The following HORMAD2 variants were observed in gnomAD, a reference collection of about 807,000 sequenced individuals.
The protein encoded by HORMAD2 is HORMA domain containing 2.
In HORMAD2, 45 loss-of-function variants were observed where a neutral mutation model predicts 38.8. The observed-to-expected ratio is 1.16, with a 90% CI of 0.91 to 1.49. HORMAD2 has a LOEUF of 1.49. Among genes scored for constraint, HORMAD2 ranks in the 40% most tolerant of loss-of-function variants. HORMAD2 has a pLI of 0.00. For missense variants in HORMAD2, 338 were observed against 367.0 expected, an observed-to-expected ratio of 0.92 and a Z score of 0.65; for synonymous variants, 126 against 122.8, an observed-to-expected ratio of 1.03 and a Z score of -0.17.
chr22:30,191,067 G>C, the HORMAD2 span, among the ~76,000 whole-genome samples: 1 of 152,148 alleles, frequency 6.6e-6, no homozygotes, highest in South Asian at 2.1e-4. Flanking sequence ...CAGCTTTCAG[G>C]ACTGACATTA....
downstream of HORMAD2, among the ~76,000 whole-genome samples, chr22:30,181,347 C>G (rs1385834339): frequency 6.6e-6 from 1 of 152,014 alleles, no homozygotes; most frequent in East Asian, 1.9e-4. Context: ...CTACCCAGAG[C>G]TCCTACATCA....
At chr22:30,145,184 G>T (rs979175079) in intron 10 of HORMAD2, among the ~76,000 whole-genome samples, 10 of 152,182 alleles carry the variant, frequency 6.6e-5, no homozygotes, top group African/African-American at 2.4e-4. Flanking sequence ...GGTCTGTGGA[G>T]CTCCTCACAC....
At chr22:30,131,336 A>G (rs1923270397) in intron 10 of HORMAD2, among the ~76,000 whole-genome samples, 1 of 152,176 alleles carries the variant, frequency 6.6e-6, no homozygotes, top group African/African-American at 2.4e-5. Context: ...TTCTTTGAGA[A>G]TTAATATTTT....
intron 10 of HORMAD2, among the ~76,000 whole-genome samples, chr22:30,148,713 A>G (rs1924569547): frequency 6.6e-6 from 1 of 152,172 alleles, no homozygotes; most frequent in Non-Finnish European, 1.5e-5. Flanking sequence ...TTAAAAACAT[A>G]TTAGACAGGC....
At chr22:30,078,001 C>A (rs943675608), upstream of HORMAD2, among the ~76,000 whole-genome samples, 2 of 152,150 alleles carry the variant, frequency 1.3e-5, no homozygotes, top group Non-Finnish European at 2.9e-5. Flanking sequence ...GTTAAGCCAG[C>A]GGTAAAGATG....
At chr22:30,189,031 C>G in the HORMAD2 span, among the ~76,000 whole-genome samples, 2 of 151,154 alleles carry the variant, frequency 1.3e-5, no homozygotes, top group African/African-American at 4.9e-5. Flanking sequence ...GTGGGAGGAT[C>G]ACTTGAGTCC....
At chr22:30,090,063 T>G (rs2068654520) in intron 1 of HORMAD2, among the ~76,000 whole-genome samples, 2 of 152,342 alleles carry the variant, frequency 1.3e-5, no homozygotes, top group Admixed American at 6.5e-5. Flanking sequence ...ACTTCATTCC[T>G]TTTTAAGATT....
At chr22:30,116,097 AT>A (rs1358155044) in intron 7 of HORMAD2, among the ~76,000 whole-genome samples, 1 of 152,154 alleles carries the variant, frequency 6.6e-6, no homozygotes, top group Non-Finnish European at 1.5e-5. Flanking sequence ...GAATATTATT[AT>A]TATCATTAAC....
intron 10 of HORMAD2, among the ~76,000 whole-genome samples, chr22:30,173,587 A>G (rs949443716): frequency 6.6e-6 from 1 of 152,210 alleles, no homozygotes; most frequent in Non-Finnish European, 1.5e-5. Context: ...ATGAATTCCA[A>G]TTTGGGCAGA....
chr22:30,152,137 T>C (rs1454032670), intron 10 of HORMAD2, among the ~76,000 whole-genome samples: 1 of 152,122 alleles, frequency 6.6e-6, no homozygotes, highest in Non-Finnish European at 1.5e-5. Flanking sequence ...AAATAAACAA[T>C]GACTTCCTAA....
chr22:30,134,629 A>T (rs1923531179), intron 10 of HORMAD2, among the ~76,000 whole-genome samples: 1 of 151,580 alleles, frequency 6.6e-6, no homozygotes, highest in African/African-American at 2.4e-5. Flanking sequence ...TACTCCTCTT[A>T]TGATGCTTAG....
At chr22:30,196,071 G>T in the HORMAD2 span, among the ~76,000 whole-genome samples, 1 of 152,194 alleles carries the variant, frequency 6.6e-6, no homozygotes, top group South Asian at 2.1e-4. Context: ...TTGTTCACTC[G>T]CATGGCATTG....
At chr22:30,122,359 T>C in intron 10 of HORMAD2, 145 bp downstream of exon 10, 1 of 642,940 alleles carries the variant, frequency 1.6e-6, no homozygotes, top group Non-Finnish European at 2.4e-6. Flanking sequence ...GTTTTTAATC[T>C]AAAAAAGTTT....
At chr22:30,094,231 G>A (rs1456956028) in intron 2 of HORMAD2, among the ~76,000 whole-genome samples, 2 of 152,142 alleles carry the variant, frequency 1.3e-5, no homozygotes, top group Non-Finnish European at 2.9e-5. Context: ...TCATGTTTAT[G>A]TAATATATTT....
At chr22:30,191,829 A>G in the HORMAD2 span, among the ~76,000 whole-genome samples, 1 of 152,210 alleles carries the variant, frequency 6.6e-6, no homozygotes, top group Non-Finnish European at 1.5e-5. Context: ...CGGAACATTC[A>G]AGATGTATAA....
intron 7 of HORMAD2, among the ~76,000 whole-genome samples, chr22:30,118,202 T>C (rs1922188910): frequency 6.6e-6 from 1 of 152,186 alleles, no homozygotes; most frequent in Non-Finnish European, 1.5e-5. Flanking sequence ...CAAGGCCCCA[T>C]AGTCTCCTTT....
chr22:30,138,371 T>C (rs1049900790), intron 10 of HORMAD2, among the ~76,000 whole-genome samples: 4 of 152,002 alleles, frequency 2.6e-5, no homozygotes, highest in African/African-American at 9.7e-5. Context: ...TCTCGCCATG[T>C]TTCCTGGGCT....
chr22:30,143,394 G>A (rs190981451), intron 10 of HORMAD2, among the ~76,000 whole-genome samples: 1 of 152,208 alleles, frequency 6.6e-6, no homozygotes, highest in East Asian at 1.9e-4. Flanking sequence ...TTATCTGGAA[G>A]TGTTTTTATC....
intron 10 of HORMAD2, among the ~76,000 whole-genome samples, chr22:30,125,718 A>G (rs1264505282): frequency 6.6e-6 from 1 of 152,210 alleles, no homozygotes; most frequent in African/African-American, 2.4e-5. Flanking sequence ...TTTATAATCC[A>G]CTTAAAGTTT....
Sources: allele counts gnomAD v4.1 joint callset (sites outside exome capture counted in the v4.1 genomes callset), GRCh38; gene constraint gnomAD v4.1.1; transcripts MANE v1.5; gene names NCBI Gene and HGNC (gene_info 2026-07-23, HGNC 2026-07-21).